RIMS1: variants seen among roughly 807,000 people sequenced by gnomAD.
The protein encoded by RIMS1 is regulating synaptic membrane exocytosis protein 1.
Under a neutral mutation model 214.1 loss-of-function variants are expected in RIMS1, and 83 were observed. The ratio of observed to expected loss-of-function variants is 0.39; its 90% CI spans 0.32 to 0.47. The LOEUF is 0.47. Among genes scored for constraint, RIMS1 ranks in the 20% least tolerant of loss-of-function variants. The probability of loss-of-function intolerance (pLI) is 0.99; values close to 1 mark genes in which losing one functional copy is unlikely to be tolerated. For missense variants in RIMS1, 2,050 were observed against 2,161.8 expected, an observed-to-expected ratio of 0.95 and a Z score of 1.03; for synonymous variants, 793 against 786.8, an observed-to-expected ratio of 1.01 and a Z score of -0.13.
At chr6:72,110,133 C>T (rs1476491121) in intron 4 of RIMS1, among the ~76,000 whole-genome samples, 1 of 152,156 alleles carries the variant, frequency 6.6e-6, no homozygotes. Flanking sequence ...AGTCAGGTAG[C>T]ATGATGCCTC....
At chr6:71,966,118 CA>C (rs1252947559) in intron 1 of RIMS1, among the ~76,000 whole-genome samples, 1 of 152,102 alleles carries the variant, frequency 6.6e-6, no homozygotes, top group Non-Finnish European at 1.5e-5. Flanking sequence ...CACAAGCAAA[CA>C]AAAATCTTGT....
At position 72,298,103 on chromosome 6, in the gene RIMS1, A is replaced by G. The variant is rs1017161129; in HGVS notation, c.3850+6057A>G. Among the ~76,000 whole-genome samples the G allele has an allele frequency of 2.0e-5, 3 of 151,982 alleles. No homozygotes were observed. The East Asian group carries it at 5.8e-4, about 29-fold the overall frequency. ...GGTTTTCCCAAGATGCAAGACTTTC[A>G]GTGCTGAAACTGGGACAGTTCTAAG... On this transcript the variant is annotated intron_variant, in intron 26 of 33. Coordinates refer to ENST00000521978, the MANE Select transcript of RIMS1 (RefSeq NM_014989.7).
At chr6:72,029,028 T>C (rs541938809) in intron 2 of RIMS1, among the ~76,000 whole-genome samples, 5 of 152,280 alleles carry the variant, frequency 3.3e-5, no homozygotes, top group African/African-American at 9.6e-5. Flanking sequence ...AAGAGTTTGC[T>C]TGGTAACCAC....
intron 27 of RIMS1, among the ~76,000 whole-genome samples, chr6:72,311,800 G>A (rs6937241): frequency 0.2 from 29,787 of 151,968 alleles, 3,655 homozygotes; most frequent in Non-Finnish European, 0.27. Flanking sequence ...GTGAAACCCC[G>A]TCTCTACTAA....
chr6:71,998,502 A>C (rs764796972), intron 2 of RIMS1, among the ~76,000 whole-genome samples: 65 of 152,238 alleles, frequency 4.3e-4, no homozygotes, highest in Non-Finnish European at 8.2e-4. Flanking sequence ...AAACTCCAAG[A>C]GAACAGGGAA....
At chr6:72,374,056 A>C (rs2098299268) in intron 29 of RIMS1, among the ~76,000 whole-genome samples, 1 of 152,116 alleles carries the variant, frequency 6.6e-6, no homozygotes, top group Non-Finnish European at 1.5e-5. Context: ...CTGTGACTAC[A>C]AGTACGCACC....
chr6:72,287,056 C>T (rs1248423740), intron 24 of RIMS1, among the ~76,000 whole-genome samples: 1 of 152,174 alleles, frequency 6.6e-6, no homozygotes, highest in Non-Finnish European at 1.5e-5. Flanking sequence ...TTTTCATCTT[C>T]ATGTGAATTC....
chr6:72,085,846 A>C (rs533469101), intron 2 of RIMS1, among the ~76,000 whole-genome samples: 1 of 152,282 alleles, frequency 6.6e-6, no homozygotes, highest in South Asian at 2.1e-4. Context: ...AGCCATAATT[A>C]AAATTAGCAT....
Position 72,249,576 on chromosome 6 carries a change from G to A in RIMS1, c.2242-754G>A, listed in dbSNP as rs191597834. 2.6e-5 allele frequency among the ~76,000 whole-genome samples: 4 copies of A among 152,080 alleles called. No homozygotes were observed. In the East Asian group the frequency reaches 7.7e-4, roughly 29 times the overall value. On this transcript the variant is annotated intron_variant, in intron 12 of 33. Transcript: ENST00000521978. ...TGAGAGACTGAAGAGTTCAAGACTA[G>A]CCTGGCAACATAGCAAGACCCCCGA...
intron 2 of RIMS1, among the ~76,000 whole-genome samples, chr6:72,053,674 G>T (rs993826580): frequency 1.3e-5 from 2 of 152,082 alleles, no homozygotes; most frequent in African/African-American, 4.8e-5. Flanking sequence ...TATTTTAATG[G>T]CTGGTATTGG....
chr6:72,083,649 A>C (rs1254449023), intron 2 of RIMS1, among the ~76,000 whole-genome samples: 1 of 152,126 alleles, frequency 6.6e-6, no homozygotes, highest in Non-Finnish European at 1.5e-5. Flanking sequence ...TGTTTCCCTC[A>C]TGTATTATCT....
At chr6:72,164,571 T>C (rs768536492) in intron 4 of RIMS1, among the ~76,000 whole-genome samples, 19 of 152,230 alleles carry the variant, frequency 1.2e-4, no homozygotes, top group Non-Finnish European at 2.2e-4. Context: ...TATTATGATG[T>C]TCCTATATGT....
At chr6:72,372,646 T>G (rs149828329) in intron 29 of RIMS1, among the ~76,000 whole-genome samples, 134 of 152,346 alleles carry the variant, frequency 8.8e-4, no homozygotes, top group Non-Finnish European at 1.7e-3. Context: ...TGAAGGAGCA[T>G]ACTTAAGAAT....
intron 5 of RIMS1, 129 bp downstream of exon 5, chr6:72,180,044 C>A: frequency 3.5e-6 from 2 of 576,412 alleles, no homozygotes; most frequent in African/African-American, 1.8e-5. Context: ...CATGGAAAAA[C>A]AAAAGGCCTG....
chr6:72,119,578 C>A (rs903234954), intron 4 of RIMS1, among the ~76,000 whole-genome samples: 4 of 151,828 alleles, frequency 2.6e-5, no homozygotes, highest in Non-Finnish European at 4.4e-5. Flanking sequence ...GTTACTAAAA[C>A]AGCATGGTAC....
At chr6:72,375,590 A>G (rs1041012444) in intron 29 of RIMS1, among the ~76,000 whole-genome samples, 11 of 152,194 alleles carry the variant, frequency 7.2e-5, no homozygotes, top group African/African-American at 2.7e-4. Context: ...TTTCTAGATG[A>G]TAATATTTTG....
intron 2 of RIMS1, among the ~76,000 whole-genome samples, chr6:72,092,078 G>A (rs896162275): frequency 6.6e-6 from 1 of 152,076 alleles, no homozygotes; most frequent in African/African-American, 2.4e-5. Context: ...GCTTCCAAAG[G>A]CACATTTTAT....
rs145685431 is a variant in RIMS1 at position 72,172,097 on chromosome 6, A to G, written c.472-7478A>G. Among the ~76,000 whole-genome samples, 651 of 152,288 alleles carry G rather than the reference A, an allele frequency of 4.3e-3. 5 individuals carry two copies. Among genetic ancestry groups the G allele is most frequent in the African/African-American group, 0.013 (554 of 41,584 alleles). ...AGTTAATAAATCAATTAAATTGGTA[A>G]GAAATACTATGAATTTAATTCATAA... is the stretch of plus-strand genomic sequence containing the variant. On this transcript the variant is annotated intron_variant, in intron 4 of 33. Coordinates refer to ENST00000521978, the MANE Select transcript of RIMS1 (RefSeq NM_014989.7).
chr6:72,338,849 A>AAGAGAGAG lies in RIMS1; in HGVS notation c.4366+5046_4366+5053dup, dbSNP rs59731805. Among the ~76,000 whole-genome samples the AAGAGAGAG allele has an allele frequency of 4.6e-3, 634 of 138,708 alleles. 5 individuals are homozygous for AAGAGAGAG. The highest frequency in any genetic ancestry group is 0.029 in the East Asian group (130 of 4,528). The allele number at this position is 138,708 out of a possible 152,430, so 91.0% of individuals were successfully genotyped here. On this transcript the variant is annotated intron_variant, in intron 29 of 33. Transcript: ENST00000521978. Reference sequence around the variant, plus strand: ...AACCCATGCTTTTAACCAACTTGTGAAGAGAGAGAGAGAGAGAGAGAGAGA... The same window carrying AAGAGAGAG: ...AACCCATGCTTTTAACCAACTTGTGAAGAGAGAGAGAGAGAGAGAGAGAGAGAGAGAGA...
Sources: gnomAD v4.1 joint callset for allele counts (sites outside exome capture counted in the v4.1 genomes callset) on GRCh38, gnomAD v4.1.1 for gene constraint, MANE v1.5 for transcripts, NCBI Gene and HGNC (gene_info 2026-07-23, HGNC 2026-07-21) for gene names.